CPLX1: variants seen among roughly 807,000 people sequenced by gnomAD.
CPLX1 encodes the protein complexin 1, also known as complexin-1.
A neutral mutation model predicts 15.6 loss-of-function variants in CPLX1; 6 were observed. The ratio of observed to expected loss-of-function variants is 0.39; its 90% CI spans 0.21 to 0.76. The LOEUF (loss-of-function observed/expected upper bound fraction) is 0.76. Among genes scored for constraint, CPLX1 ranks in the 30% least tolerant of loss-of-function variants. The probability of loss-of-function intolerance (pLI) is 0.43; values close to 1 mark genes in which losing one functional copy is unlikely to be tolerated. For synonymous variants in CPLX1, 91 were observed against 75.2 expected (o/e 1.21, Z -1.08); for missense variants, 242 against 188.6 (o/e 1.28, Z -1.66).
rs780025703 is a variant in CPLX1 at position 792,582 on chromosome 4, G to A, written c.58C>T (p.Leu20=). 1 of 1,612,736 alleles carries A rather than the reference G, an allele frequency of 6.2e-7. No homozygotes were observed. The highest frequency in any genetic ancestry group is 8.5e-7 in the Non-Finnish European group (1 of 1,179,446). The change falls in exon 3 of 4, where the codon CTG becomes TTG. Residue 20 remains leucine, a synonymous_variant. Transcript: ENST00000304062. ...GGATKDMGKM[L]GGDEEKDPDA... ...GGGTCCTTCTCCTCGTCACCCCCCA[G>A]CATCTTCCCCATGTCCTTGGTGGCC...
At position 787,522 on chromosome 4, in the gene CPLX1, A is replaced by G. The variant is rs190149527; in HGVS notation, c.208-824T>C. ...GATTTGAGGGGCCTCAAGTCCAGTG[A>G]GAGTGTCCTTGTAAGAGACAGAAAG... On this transcript the variant is annotated intron_variant, in intron 3 of 3. Coordinates refer to ENST00000304062, the MANE Select transcript of CPLX1 (RefSeq NM_006651.4). 5.1e-4 allele frequency: 325 copies of G among 638,928 alleles called. 1 individual carries two copies. Among genetic ancestry groups the G allele is most frequent in the Admixed American group, 2.5e-3 (40 of 15,856 alleles). The allele number at this position is 638,928 out of a possible 1,614,324, so 39.6% of individuals were successfully genotyped here.
Position 786,702 on chromosome 4 carries a change from CG to C in CPLX1, c.208-5del, listed in dbSNP as rs746825584. On this transcript the variant is annotated splice_polypyrimidine_tract_variant and splice_region_variant and intron_variant, in intron 3 of 3. Transcript: ENST00000304062. ...CCTCCTTCTTCTTGATGCCGTACTG[CG>C]GGGGAGGCGGGGGTCAGGGCGGGGG... is the stretch of plus-strand genomic sequence containing the variant. The C allele has an allele frequency of 6.5e-7, 1 of 1,546,768 alleles. No individual in the cohort carries two copies. Among genetic ancestry groups the C allele is most frequent in the South Asian group, 1.1e-5 (1 of 87,094 alleles).
In CPLX1 at chr4:824,572, C is replaced by G. The variant is rs148651183; in HGVS notation, c.-50G>C. On this transcript the variant is annotated 5_prime_UTR_variant, in exon 2 of 4. Transcript: ENST00000304062. ...GCTCCTCCAGGGGTCAGAACTCACA[C>G]GCAAGTATGGCCGGGAGCGAGTGTT... 803 of 1,599,508 alleles carry G rather than the reference C, an allele frequency of 5.0e-4. 16 individuals are homozygous for G. The East Asian group carries it at 0.018, about 35-fold the overall frequency.
Position 786,433 on chromosome 4 carries a change from A to G in CPLX1, c.*68T>C. ...GGGGGCTGCGCTCTGCTCGTCCCTC[A>G]GGGGCCTCCGCGGAGGATCTGTAGG... On this transcript the variant is annotated 3_prime_UTR_variant, in exon 4 of 4. Coordinates refer to ENST00000304062, the MANE Select transcript of CPLX1 (RefSeq NM_006651.4). 1 of 1,454,798 alleles carries G rather than the reference A, an allele frequency of 6.9e-7. No individual in the cohort carries two copies. Among genetic ancestry groups the G allele is most frequent in the Non-Finnish European group, 9.2e-7 (1 of 1,090,586 alleles). The allele number at this position is 1,454,798 out of a possible 1,614,324, so 90.1% of individuals were successfully genotyped here.
chr4:815,316 C>T (rs1241322895), intron 2 of CPLX1, among the ~76,000 whole-genome samples: 1 of 142,354 alleles, frequency 7.0e-6, no homozygotes, highest in Non-Finnish European at 1.5e-5. Flanking sequence ...GAGGCCGAGG[C>T]AGGAGAATTG....
intron 2 of CPLX1, among the ~76,000 whole-genome samples, chr4:814,304 C>T (rs1256579971): frequency 1.3e-5 from 2 of 152,184 alleles, no homozygotes; most frequent in Non-Finnish European, 2.9e-5. Flanking sequence ...CCTCTGCCTC[C>T]TGGGTTCAAG....
intron 2 of CPLX1, among the ~76,000 whole-genome samples, chr4:797,824 T>C (rs570831954): frequency 6.6e-6 from 1 of 152,122 alleles, no homozygotes; most frequent in East Asian, 2.0e-4. Flanking sequence ...TCCCAGCTAC[T>C]CGGGAGGCTG....
chr4:788,009 G>A (rs1348098375), intron 3 of CPLX1: 3 of 985,316 alleles, frequency 3.0e-6, no homozygotes, highest in Non-Finnish European at 3.6e-6. Context: ...GAGTAGTGAA[G>A]GCGTCAGCAG....
At chr4:800,334 A>G (rs749956177) in intron 2 of CPLX1, among the ~76,000 whole-genome samples, 28 of 152,084 alleles carry the variant, frequency 1.8e-4, no homozygotes, top group Non-Finnish European at 2.9e-4. Context: ...TGCAAACCAC[A>G]CATCTGATAA....
chr4:804,593 G>A (rs1300423608), intron 2 of CPLX1, among the ~76,000 whole-genome samples: 1 of 152,128 alleles, frequency 6.6e-6, no homozygotes, highest in African/African-American at 2.4e-5. Context: ...GACGTCAGCC[G>A]CATCAACAAT....
intron 3 of CPLX1, among the ~76,000 whole-genome samples, chr4:791,400 G>A (rs997809313): frequency 6.6e-6 from 1 of 152,164 alleles, no homozygotes; most frequent in African/African-American, 2.4e-5. Context: ...TCCGTGGGTG[G>A]GGAGGAGCTG....
rs951400865 is a variant in CPLX1, at chr4:792,469, C to T, written c.171G>A (p.Ala57=). The change falls in exon 3 of 4, where the codon GCG becomes GCA. Residue 57 remains alanine, a synonymous_variant. Coordinates refer to ENST00000304062, the MANE Select transcript of CPLX1 (RefSeq NM_006651.4). Reference sequence around the variant, plus strand: ...TGCCCTGGCGCACGGCCTCGCGCTCCGCCTCCATCTTGGCGTACTTGGCCT... The same window carrying T: ...TGCCCTGGCGCACGGCCTCGCGCTCTGCCTCCATCTTGGCGTACTTGGCCT... ...ERKAKYAKME[A]EREAVRQGIR... The T allele has an allele frequency of 3.1e-6, 5 of 1,610,250 alleles. No homozygotes were observed. Among genetic ancestry groups the T allele is most frequent in the South Asian group, 2.2e-5 (2 of 90,886 alleles).
At chr4:804,673 C>T in intron 2 of CPLX1, 2 of 932,694 alleles carry the variant, frequency 2.1e-6, no homozygotes. Flanking sequence ...CTTTTTGGGG[C>T]TTTGGATAAA....
In CPLX1 at chr4:814,635, T is replaced by A. The variant is rs1023438165; in HGVS notation, c.31+9857A>T. Among the ~76,000 whole-genome samples the A allele has an allele frequency of 2.6e-5, 4 of 152,234 alleles. No individual in the cohort carries two copies. The East Asian group carries it at 7.7e-4, about 29-fold the overall frequency. Reference sequence around the variant, plus strand: ...TCTTCGAACTTGTTTCCTATTGCAGTGGTGGATTAAATCTGTGCCTTAAAT... The same window carrying A: ...TCTTCGAACTTGTTTCCTATTGCAGAGGTGGATTAAATCTGTGCCTTAAAT... On this transcript the variant is annotated intron_variant, in intron 2 of 3. Transcript: ENST00000304062.
At position 793,593 on chromosome 4, in the gene CPLX1, G is replaced by A. The variant is rs946944455; in HGVS notation, c.32-985C>T. On this transcript the variant is annotated intron_variant, in intron 2 of 3. Transcript: ENST00000304062. Reference sequence around the variant, plus strand: ...CCAGCACACAGGTGTCACTGAGGGAGGTGACTTGGCAGAGCGGCCAGGCTC... The same window carrying A: ...CCAGCACACAGGTGTCACTGAGGGAAGTGACTTGGCAGAGCGGCCAGGCTC... Among the ~76,000 whole-genome samples, 18 of 152,346 alleles carry A rather than the reference G, an allele frequency of 1.2e-4. 1 individual carries two copies. The highest frequency in any genetic ancestry group is 4.3e-4 in the African/African-American group (18 of 41,580).
chr4:794,004 C>T (rs1415959577), intron 2 of CPLX1, among the ~76,000 whole-genome samples: 4 of 152,258 alleles, frequency 2.6e-5, no homozygotes, highest in South Asian at 4.1e-4. Context: ...TGGGTTCCCC[C>T]TCGCCATTAC....
At chr4:786,836 C>A (rs1207023209) in intron 3 of CPLX1, 138 bp from the exon 4 acceptor site, 9 of 1,391,192 alleles carry the variant, frequency 6.5e-6, no homozygotes, top group Non-Finnish European at 8.4e-6. Flanking sequence ...ACAAGGACCC[C>A]AGAAGGAGAA....
chr4:786,504 C>T lies in CPLX1; in HGVS notation c.402G>A (p.Lys134=), dbSNP rs1220013032. ...LPGPLQDMLK[K] is the part of the protein sequence containing the mutation. Reference sequence around the variant, plus strand: ...GGGGCCGCTGTCCCGCGCGCGGCTACTTCTTGAGCATGTCCTGCAGCGGCC... The same window carrying T: ...GGGGCCGCTGTCCCGCGCGCGGCTATTTCTTGAGCATGTCCTGCAGCGGCC... The change falls in exon 4 of 4, where the codon AAG becomes AAA. Residue 134 remains lysine, a synonymous_variant. Transcript: ENST00000304062. 6.3e-7 allele frequency: 1 copy of T among 1,580,754 alleles called. No individual in the cohort carries two copies. The highest frequency in any genetic ancestry group is 1.8e-5 in the Admixed American group (1 of 56,090).
intron 2 of CPLX1, among the ~76,000 whole-genome samples, chr4:821,278 C>T (rs1206151174): frequency 6.6e-6 from 1 of 152,162 alleles, no homozygotes; most frequent in African/African-American, 2.4e-5. Context: ...GTGGCAGAGC[C>T]GAGCATGGGT....
Sources: gnomAD v4.1 joint callset for allele counts (sites outside exome capture counted in the v4.1 genomes callset) on GRCh38, gnomAD v4.1.1 for gene constraint, MANE v1.5 for transcripts, NCBI Gene and HGNC (gene_info 2026-07-23, HGNC 2026-07-21) for gene names.